Variants in ZMYM6 observed in about 807,000 individuals in gnomAD.
ZMYM6 encodes zinc finger MYM-type protein 6.
ZMYM6 carries 90 observed loss-of-function variants against 134.0 expected under a neutral mutation model. The ratio of observed to expected loss-of-function variants is 0.67; its 90% CI spans 0.57 to 0.80. ZMYM6 has a LOEUF of 0.80. ZMYM6 is among the 30% of genes least tolerant of loss of function. The pLI is 0.00. For missense variants in ZMYM6, 1,362 were observed against 1,533.9 expected (o/e 0.89, Z 1.87); for synonymous variants, 481 against 524.1 (o/e 0.92, Z 1.12).
chr1:35,013,002 G>T (rs1641112960), intron 6 of ZMYM6: 7 of 976,568 alleles, frequency 7.2e-6, no homozygotes, highest in Non-Finnish European at 8.5e-6. Context: ...AGATAGAAAT[G>T]ATATTTAATG....
At chr1:34,994,852 A>AC (rs1468914632) in intron 14 of ZMYM6, among the ~76,000 whole-genome samples, 1 of 150,744 alleles carries the variant, frequency 6.6e-6, no homozygotes, top group Non-Finnish European at 1.5e-5. Context: ...ATGTTCCAAG[A>AC]CCCCCAGTGG....
chr1:34,987,861 G>C lies in ZMYM6; in HGVS notation c.3221C>G (p.Ser1074Ter). The change falls in exon 16 of 16, where the codon TCA becomes TGA. Residue 1074 changes from serine to a stop codon, truncating the protein, a stop_gained. Coordinates refer to ENST00000357182, the MANE Select transcript of ZMYM6 (RefSeq NM_007167.4). LOFTEE classifies it high-confidence loss of function. ...TAATCTTTTTAACATTCTCCCTCTT[G>C]ATATCCAACGTACTTCAGCATGAAG... is the stretch of plus-strand genomic sequence containing the variant. ...LPLHAEVRWISRGRMLKRLFE... is the reference protein window; with the variant it reads ...LPLHAEVRWI The C allele has an allele frequency of 1.3e-6, 2 of 1,551,202 alleles. No homozygotes were observed. The highest frequency in any genetic ancestry group is 1.7e-6 in the Non-Finnish European group (2 of 1,146,866).
At chr1:35,014,574 G>T in intron 6 of ZMYM6, 123 bp downstream of exon 6, 1 of 955,980 alleles carries the variant, frequency 1.0e-6, no homozygotes, top group Non-Finnish European at 1.5e-6. Context: ...CCATTTTCTG[G>T]AAGGGAAATC....
At chr1:35,018,647 G>A (rs904026254) in intron 4 of ZMYM6, 2 of 152,132 alleles carry the variant, frequency 1.3e-5, no homozygotes, top group Non-Finnish European at 2.9e-5. Flanking sequence ...ATTTACTGAT[G>A]AGAAATGGAG....
At chr1:35,030,526 A>C (rs765517729) in intron 2 of ZMYM6, 21 bp downstream of exon 2, 2 of 1,578,884 alleles carry the variant, frequency 1.3e-6, no homozygotes, top group Admixed American at 4.1e-5. Context: ...TTAAATTTTT[A>C]AATGAAGATG....
chr1:35,018,644 G>C (rs1641248832), intron 4 of ZMYM6: 2 of 152,138 alleles, frequency 1.3e-5, no homozygotes, highest in African/African-American at 4.8e-5. Flanking sequence ...ATTATTTACT[G>C]ATGAGAAATG....
Position 34,988,059 on chromosome 1 carries a change from G to A in ZMYM6, c.3023C>T (p.Thr1008Ile). Residue 1008 changes from threonine to isoleucine, a missense_variant, in exon 16 of 16, where the codon ACA becomes ATA. By Grantham distance (89) the Thr-to-Ile change is moderately conservative. Transcript: ENST00000357182. ...ACGTTCACGGTGAATAAAACAATGT[G>A]TAAATGCCGCTGTATTCATGGCAAC... ...QEVAMNTAAFTHCFIHRERLV... is the reference protein window; with the variant it reads ...QEVAMNTAAFIHCFIHRERLV... The A allele has an allele frequency of 2.6e-6, 4 of 1,551,544 alleles. No homozygotes were observed. The highest frequency in any genetic ancestry group is 3.5e-6 in the Non-Finnish European group (4 of 1,146,978).
At chr1:35,017,718 T>C (rs1469682215) in intron 4 of ZMYM6, 1 of 152,184 alleles carries the variant, frequency 6.6e-6, no homozygotes, top group Non-Finnish European at 1.5e-5. Context: ...TTAGCTAATA[T>C]ATTGGCCTGA....
Position 35,019,594 on chromosome 1 carries a change from A to T in ZMYM6, c.187T>A (p.Leu63Met). The change falls in exon 4 of 16, where the codon TTG (leucine) becomes ATG (methionine). Residue 63 changes from leucine to methionine, a missense_variant. By Grantham distance (15) the Leu-to-Met change is conservative (BLOSUM62 2). Coordinates refer to ENST00000357182, the MANE Select transcript of ZMYM6 (RefSeq NM_007167.4). ...AAAGAAAGCTGAAAGCCTGGGTTCA[A>T]CTGCTGGGCTATCAAAACAAAATAA... Reference protein sequence around the residue: ...SVNERPIAQQLNPGFQLSFAS... With the variant: ...SVNERPIAQQMNPGFQLSFAS... 1.9e-6 allele frequency: 3 copies of T among 1,589,494 alleles called. No homozygotes were observed. The South Asian group carries it at 3.5e-5, about 18-fold the overall frequency.
At chr1:35,019,069 G>A in intron 4 of ZMYM6, 1 of 522,428 alleles carries the variant, frequency 1.9e-6, no homozygotes. Flanking sequence ...TAAATGGTGG[G>A]TGTCTACAAT....
In ZMYM6 at chr1:34,988,952, A is replaced by T; in HGVS notation, c.2147-17T>A. 1 of 1,596,806 alleles carries T rather than the reference A, an allele frequency of 6.3e-7. No homozygotes were observed. Among genetic ancestry groups the T allele is most frequent in the Non-Finnish European group, 8.5e-7 (1 of 1,175,628 alleles). ...TAGGTAAATCTGAATGAAATATTTG[A>T]ATCACTGTTATTTTCAAGAACAAAT... On this transcript the variant is annotated splice_polypyrimidine_tract_variant and intron_variant, in intron 15 of 15. Coordinates refer to ENST00000357182, the MANE Select transcript of ZMYM6 (RefSeq NM_007167.4).
At chr1:35,027,404 G>C (rs1038147889) in intron 2 of ZMYM6, among the ~76,000 whole-genome samples, 2 of 152,182 alleles carry the variant, frequency 1.3e-5, no homozygotes, top group Admixed American at 1.3e-4. Context: ...TGGGATATGT[G>C]ACTGAAGGAA....
intron 2 of ZMYM6, among the ~76,000 whole-genome samples, chr1:35,029,065 G>A (rs542702973): frequency 6.6e-6 from 1 of 151,992 alleles, no homozygotes; most frequent in Admixed American, 6.5e-5. Flanking sequence ...GGTGGCAGGC[G>A]CCTATAATCC....
At chr1:35,007,307 G>A (rs1431196814) in intron 11 of ZMYM6, among the ~76,000 whole-genome samples, 1 of 152,168 alleles carries the variant, frequency 6.6e-6, no homozygotes, top group Non-Finnish European at 1.5e-5. Flanking sequence ...ACTGTGGCCA[G>A]GCACGGTAAT....
At chr1:35,006,692 C>T (rs955831529) in intron 12 of ZMYM6, among the ~76,000 whole-genome samples, 1 of 152,136 alleles carries the variant, frequency 6.6e-6, no homozygotes, top group Non-Finnish European at 1.5e-5. Flanking sequence ...AATCAAAAAG[C>T]AATCAAATCT....
chr1:35,009,409 C>T (rs1280453985), intron 10 of ZMYM6, among the ~76,000 whole-genome samples: 1 of 152,120 alleles, frequency 6.6e-6, no homozygotes, highest in Non-Finnish European at 1.5e-5. Flanking sequence ...CCTGCCACCA[C>T]CTTTTAAATA....
chr1:35,007,137 T>A (rs1404184246), intron 11 of ZMYM6, 39 bp from the exon 12 acceptor site: 1 of 1,551,340 alleles, frequency 6.4e-7, no homozygotes. Context: ...CTTAAAACTA[T>A]AAAATAATGA....
chr1:35,030,823 C>A (rs994327285), intron 1 of ZMYM6, 110 bp from the exon 2 acceptor site: 10 of 573,196 alleles, frequency 1.7e-5, no homozygotes, highest in Non-Finnish European at 3.0e-5. Flanking sequence ...AAAAACAACT[C>A]TTCTGGGGCC....
At chr1:35,015,743 A>AAAAT in intron 4 of ZMYM6, among the ~76,000 whole-genome samples, 3 of 106,464 alleles carry the variant, frequency 2.8e-5, no homozygotes, top group Non-Finnish European at 4.9e-5. Context: ...AAAAAAAAAA[A>AAAAT]ATATATATAT....
Sources: allele counts gnomAD v4.1 joint callset (sites outside exome capture counted in the v4.1 genomes callset), GRCh38; gene constraint gnomAD v4.1.1; transcripts MANE v1.5; gene names NCBI Gene and HGNC (gene_info 2026-07-23, HGNC 2026-07-21).